The following SLC35F4 variants were observed in gnomAD, a reference collection of about 807,000 sequenced individuals.
SLC35F4 encodes the protein solute carrier family 35 member F4.
SLC35F4 carries 24 observed loss-of-function variants against 44.2 expected under a neutral mutation model. That is an observed-to-expected ratio of 0.54 (90% CI 0.39 to 0.76). The LOEUF is 0.76. Among genes scored for constraint, SLC35F4 ranks in the 30% least tolerant of loss-of-function variants. The pLI is 0.00. For synonymous variants in SLC35F4, 238 were observed against 223.6 expected, an observed-to-expected ratio of 1.06 and a Z score of -0.57; for missense variants, 562 against 586.1, an observed-to-expected ratio of 0.96 and a Z score of 0.42.
intron 1 of SLC35F4, among the ~76,000 whole-genome samples, chr14:57,613,633 G>C (rs1325228192): frequency 6.6e-6 from 1 of 152,204 alleles, no homozygotes; most frequent in African/African-American, 2.4e-5. Context: ...ATTTTTCCCA[G>C]AAGCTTCTGA....
intron 1 of SLC35F4, among the ~76,000 whole-genome samples, chr14:57,817,936 G>A (rs779195993): frequency 1.3e-5 from 2 of 152,126 alleles, no homozygotes; most frequent in Non-Finnish European, 2.9e-5. Flanking sequence ...TCCAAGGATA[G>A]TCACTTCATT....
intron 1 of SLC35F4, among the ~76,000 whole-genome samples, chr14:57,805,641 G>A (rs1435445084): frequency 6.6e-6 from 1 of 152,174 alleles, no homozygotes; most frequent in Non-Finnish European, 1.5e-5. Context: ...TAGGGGGAGA[G>A]AGAGCATCAG....
intron 1 of SLC35F4, among the ~76,000 whole-genome samples, chr14:57,861,064 C>T (rs1309068188): frequency 2.0e-5 from 3 of 152,152 alleles, no homozygotes; most frequent in Non-Finnish European, 4.4e-5. Flanking sequence ...AAATTTGTGA[C>T]CAAAAACTTT....
In SLC35F4 at chr14:57,894,604, C is replaced by A. The variant is rs558687247; in HGVS notation, n.282+87309G>T. Among the ~76,000 whole-genome samples, 5 of 152,190 alleles carry A rather than the reference C, an allele frequency of 3.3e-5. No individual in the cohort carries two copies. In the South Asian group the frequency reaches 1.0e-3, roughly 32 times the overall value. ...TTCTCTTTATGATAATTTATTGAGA[C>A]ATATATTTGTGTACTTTTCTATAAA... On this transcript the variant is annotated intron_variant and non_coding_transcript_variant, in intron 1 of 1. Coordinates refer to the SLC35F4 transcript ENST00000556568.
intron 1 of SLC35F4, among the ~76,000 whole-genome samples, chr14:57,961,958 A>G (rs1035786042): frequency 6.6e-6 from 1 of 152,184 alleles, no homozygotes; most frequent in Non-Finnish European, 1.5e-5. Flanking sequence ...GAGAGACTGA[A>G]TTACCCAACA....
At chr14:57,667,722 T>A (rs962875686) in intron 1 of SLC35F4, among the ~76,000 whole-genome samples, 1 of 151,844 alleles carries the variant, frequency 6.6e-6, no homozygotes, top group African/African-American at 2.4e-5. Flanking sequence ...ATTTTCTTAA[T>A]CCAGTCTATC....
At chr14:57,649,200 C>T (rs78949839) in intron 1 of SLC35F4, among the ~76,000 whole-genome samples, 20,195 of 152,162 alleles carry the variant, frequency 0.13, 1,582 homozygotes, top group East Asian at 0.22. Context: ...TAATGTGCTT[C>T]ACTTTTCTAT....
At chr14:57,963,870 A>T (rs1247311872) in intron 1 of SLC35F4, among the ~76,000 whole-genome samples, 1 of 151,708 alleles carries the variant, frequency 6.6e-6, no homozygotes, top group Non-Finnish European at 1.5e-5. Context: ...CTACAGGCAC[A>T]TGTCACCATG....
intron 1 of SLC35F4, among the ~76,000 whole-genome samples, chr14:57,813,929 T>C (rs1289847458): frequency 1.3e-5 from 2 of 152,104 alleles, no homozygotes; most frequent in African/African-American, 4.8e-5. Flanking sequence ...CAATAAATCG[T>C]TGTGGGGACG....
In SLC35F4 at chr14:57,665,124, C is replaced by T. The variant is rs565284134; in HGVS notation, c.104-71000G>A. The stretch of plus-strand genomic sequence containing the variant: ...CCTCATATTTTCAAACATCAACCGC[C>T]CTCCCGCCCACCACCACCCCGCACA... On this transcript the variant is annotated intron_variant, in intron 1 of 7. Coordinates refer to ENST00000556826, the MANE Select transcript of SLC35F4 (RefSeq NM_001306087.2). 3.3e-5 allele frequency among the ~76,000 whole-genome samples: 5 copies of T among 152,016 alleles called. No homozygotes were observed. In the South Asian group the frequency reaches 1.0e-3, roughly 32 times the overall value.
At chr14:57,730,468 G>A (rs2076316705) in intron 1 of SLC35F4, among the ~76,000 whole-genome samples, 1 of 151,696 alleles carries the variant, frequency 6.6e-6, no homozygotes, top group Non-Finnish European at 1.5e-5. Flanking sequence ...TGATTTAGAT[G>A]TTTATCTCAC....
chr14:57,801,849 C>A (rs1297002078), intron 1 of SLC35F4, among the ~76,000 whole-genome samples: 1 of 152,108 alleles, frequency 6.6e-6, no homozygotes, highest in Non-Finnish European at 1.5e-5. Context: ...TCTTAGAGAC[C>A]TACAAACAGA....
chr14:57,667,772 G>A (rs916609063), intron 1 of SLC35F4, among the ~76,000 whole-genome samples: 3 of 151,594 alleles, frequency 2.0e-5, no homozygotes, highest in Admixed American at 2.0e-4. Context: ...CTTTGCTATT[G>A]TGAATAGTGC....
intron 1 of SLC35F4, among the ~76,000 whole-genome samples, chr14:57,968,365 C>T (rs1359688199): frequency 6.6e-6 from 1 of 152,232 alleles, no homozygotes; most frequent in Non-Finnish European, 1.5e-5. Context: ...GCCCATTACA[C>T]AATGGCACAA....
intron 1 of SLC35F4, among the ~76,000 whole-genome samples, chr14:57,638,017 G>A (rs778138505): frequency 1.4e-4 from 22 of 152,044 alleles, no homozygotes; most frequent in African/African-American, 4.3e-4. Context: ...CGAGACCTAC[G>A]GTCATACCAG....
intron 1 of SLC35F4, among the ~76,000 whole-genome samples, chr14:57,719,689 G>A (rs577702745): frequency 1.3e-5 from 2 of 150,960 alleles, no homozygotes; most frequent in Non-Finnish European, 3.0e-5. Context: ...TGAATTTATT[G>A]ATCAGTTCTA....
chr14:57,952,026 T>C (rs1020563914), intron 1 of SLC35F4, among the ~76,000 whole-genome samples: 1 of 152,180 alleles, frequency 6.6e-6, no homozygotes, highest in East Asian at 1.9e-4. Flanking sequence ...AGATACCTCA[T>C]ACAGGAGAGC....
chr14:57,912,957 C>A (rs569635011), intron 1 of SLC35F4, among the ~76,000 whole-genome samples: 1 of 152,074 alleles, frequency 6.6e-6, no homozygotes, highest in Non-Finnish European at 1.5e-5. Flanking sequence ...TTGTTAGACA[C>A]ATACACAATA....
At chr14:57,652,729 A>G (rs1431387322) in intron 1 of SLC35F4, among the ~76,000 whole-genome samples, 1 of 152,126 alleles carries the variant, frequency 6.6e-6, no homozygotes, top group Non-Finnish European at 1.5e-5. Context: ...ACCCCCACAC[A>G]AAGAACTATC....
Sources: gnomAD v4.1 joint callset for allele counts (sites outside exome capture counted in the v4.1 genomes callset) on GRCh38, gnomAD v4.1.1 for gene constraint, MANE v1.5 for transcripts, NCBI Gene and HGNC (gene_info 2026-07-23, HGNC 2026-07-21) for gene names.